Variants in ZNF385D observed in about 807,000 individuals in gnomAD.
ZNF385D encodes zinc finger protein 659.
Under a neutral mutation model 35.8 loss-of-function variants are expected in ZNF385D, and 15 were observed. The ratio of observed to expected loss-of-function variants is 0.42; its 90% CI spans 0.28 to 0.64. ZNF385D has a LOEUF of 0.64. Ranked by LOEUF, ZNF385D falls within the 30% of genes least tolerant of loss-of-function variation. The pLI, the probability that ZNF385D is intolerant of heterozygous loss-of-function variation, is 0.23. For missense variants in ZNF385D, 474 were observed against 494.6 expected, an observed-to-expected ratio of 0.96 and a Z score of 0.39; for synonymous variants, 212 against 186.8, an observed-to-expected ratio of 1.13 and a Z score of -1.10.
In ZNF385D at chr3:21,419,901, G is replaced by T. The variant is rs915408068; in HGVS notation, c.*1313C>A. 4 of 151,500 alleles carry T rather than the reference G, an allele frequency of 2.6e-5. No homozygotes were observed. Among genetic ancestry groups the T allele is most frequent in the Non-Finnish European group, 4.4e-5 (3 of 67,890 alleles). 9.4% of individuals were successfully genotyped at this position (151,500 alleles called of 1,614,324 possible). On this transcript the variant is annotated 3_prime_UTR_variant, in exon 8 of 8. Coordinates refer to ENST00000281523, the MANE Select transcript of ZNF385D (RefSeq NM_024697.3). ...TACCCCTGATAAATCTTGTTTTAAA[G>T]GTAAAACATCAACTTCTTTCAGCCT...
intron 1 of ZNF385D, among the ~76,000 whole-genome samples, chr3:21,741,539 C>T (rs1292253300): frequency 3.9e-5 from 6 of 152,002 alleles, no homozygotes; most frequent in Non-Finnish European, 5.9e-5. Flanking sequence ...AAAACAAGAG[C>T]GTCATAAGTT....
At chr3:21,491,499 T>C (rs1356403439) in intron 4 of ZNF385D, among the ~76,000 whole-genome samples, 1 of 152,114 alleles carries the variant, frequency 6.6e-6, no homozygotes, top group Non-Finnish European at 1.5e-5. Flanking sequence ...AAGATATTAA[T>C]AATAAATGAT....
intron 3 of ZNF385D, among the ~76,000 whole-genome samples, chr3:21,858,782 A>G (rs548490601): frequency 1.0e-3 from 158 of 152,226 alleles, no homozygotes; most frequent in African/African-American, 2.6e-3. Flanking sequence ...ATAGTTCTAC[A>G]TAAGTTCTCC....
At chr3:21,981,759 C>T (rs1020551968) in intron 3 of ZNF385D, among the ~76,000 whole-genome samples, 1 of 152,106 alleles carries the variant, frequency 6.6e-6, no homozygotes, top group Admixed American at 6.5e-5. Flanking sequence ...TGGAAGGAGT[C>T]CAGCTTCAAT....
intron 3 of ZNF385D, among the ~76,000 whole-genome samples, chr3:21,992,449 T>C (rs1050701559): frequency 1.3e-5 from 2 of 152,210 alleles, no homozygotes; most frequent in South Asian, 2.1e-4. Context: ...TTTCAAATTA[T>C]ATTATCATCA....
At chr3:22,086,924 G>A (rs1448180627) in intron 3 of ZNF385D, among the ~76,000 whole-genome samples, 1 of 151,850 alleles carries the variant, frequency 6.6e-6, no homozygotes, top group Admixed American at 6.6e-5. Flanking sequence ...CACACACCAG[G>A]TCCTGTCGTG....
At chr3:22,065,322 A>G (rs1334251829) in intron 3 of ZNF385D, among the ~76,000 whole-genome samples, 1 of 152,242 alleles carries the variant, frequency 6.6e-6, no homozygotes, top group East Asian at 1.9e-4. Context: ...TCCTAGCTAG[A>G]CAGATGTCTG....
chr3:22,039,113 A>G (rs1698509013), intron 3 of ZNF385D, among the ~76,000 whole-genome samples: 1 of 151,896 alleles, frequency 6.6e-6, no homozygotes, highest in South Asian at 2.1e-4. Flanking sequence ...TGAACGAGCC[A>G]GAAGTGGAAG....
chr3:22,186,866 GTGTT>G (rs1353247875), intron 2 of ZNF385D, among the ~76,000 whole-genome samples: 3 of 152,110 alleles, frequency 2.0e-5, no homozygotes, highest in African/African-American at 4.8e-5. Context: ...AGTATTTTTA[GTGTT>G]TGTTTATAAA....
chr3:22,293,153 T>C (rs772924392), intron 2 of ZNF385D, among the ~76,000 whole-genome samples: 2 of 152,130 alleles, frequency 1.3e-5, no homozygotes, highest in African/African-American at 4.8e-5. Flanking sequence ...AAAGCCTTCA[T>C]AGAAATCCCC....
At chr3:21,582,948 T>C (rs2063710623) in intron 2 of ZNF385D, among the ~76,000 whole-genome samples, 1 of 152,100 alleles carries the variant, frequency 6.6e-6, no homozygotes, top group African/African-American at 2.4e-5. Flanking sequence ...CAGCTAATTT[T>C]TGTATTTTTA....
chr3:21,808,652 A>T (rs781744592), intron 3 of ZNF385D, among the ~76,000 whole-genome samples: 3 of 152,244 alleles, frequency 2.0e-5, no homozygotes, highest in Non-Finnish European at 4.4e-5. Flanking sequence ...AGGTAATGAC[A>T]GCAAAGGGGC....
chr3:21,579,362 A>C (rs1380050754), intron 2 of ZNF385D: 1 of 152,202 alleles, frequency 6.6e-6, no homozygotes, highest in Non-Finnish European at 1.5e-5. Flanking sequence ...AAGCTACTGT[A>C]CTGTGATGTG....
At chr3:21,950,068 A>AGTAACTATGATGGTTTCCTCTCTCCTCT (rs1701991309) in intron 3 of ZNF385D, among the ~76,000 whole-genome samples, 14 of 151,936 alleles carry the variant, frequency 9.2e-5, no homozygotes, top group African/African-American at 3.2e-4. Flanking sequence ...TTGGGTATAT[A>AGTAACTATGATGGTTTCCTCTCTCCTCT]CCCAGTAATG....
intron 3 of ZNF385D, among the ~76,000 whole-genome samples, chr3:21,511,333 C>T (rs2125468485): frequency 6.6e-6 from 1 of 152,256 alleles, no homozygotes; most frequent in African/African-American, 2.4e-5. Flanking sequence ...CCTGTATCAT[C>T]TTTGTTCTGC....
At chr3:21,762,997 T>G (rs1000560939) in intron 3 of ZNF385D, among the ~76,000 whole-genome samples, 1 of 152,186 alleles carries the variant, frequency 6.6e-6, no homozygotes, top group Non-Finnish European at 1.5e-5. Context: ...TCAGTGTCTG[T>G]GACACTGTCA....
At chr3:22,108,019 C>G (rs116453221) in intron 3 of ZNF385D, among the ~76,000 whole-genome samples, 2 of 151,402 alleles carry the variant, frequency 1.3e-5, no homozygotes, top group South Asian at 2.1e-4. Flanking sequence ...TACCATGTGA[C>G]GATGCAGAAA....
intron 3 of ZNF385D, among the ~76,000 whole-genome samples, chr3:21,886,960 C>A (rs987117644): frequency 3.9e-5 from 6 of 152,108 alleles, no homozygotes; most frequent in Non-Finnish European, 8.8e-5. Context: ...CTCCATTCAA[C>A]GCCACACGTT....
intron 3 of ZNF385D, among the ~76,000 whole-genome samples, chr3:21,992,460 T>A (rs1695207833): frequency 1.3e-5 from 2 of 152,184 alleles, no homozygotes; most frequent in South Asian, 4.1e-4. Flanking sequence ...ATTATCATCA[T>A]CCATCACAGC....
Sources: allele counts gnomAD v4.1 joint callset (sites outside exome capture counted in the v4.1 genomes callset), GRCh38; gene constraint gnomAD v4.1.1; transcripts MANE v1.5; gene names NCBI Gene and HGNC (gene_info 2026-07-23, HGNC 2026-07-21).